Variants in EFCAB5 observed in about 807,000 individuals in gnomAD.
EFCAB5 encodes the protein EF-hand calcium-binding domain-containing protein 5.
EFCAB5 carries 131 observed loss-of-function variants against 167.9 expected under a neutral mutation model. That is an observed-to-expected ratio of 0.78 (90% CI 0.68 to 0.90). The LOEUF (loss-of-function observed/expected upper bound fraction) is 0.90. Ranked by LOEUF, EFCAB5 falls within the 40% of genes least tolerant of loss-of-function variation. The pLI is 0.00. For missense variants in EFCAB5, 1,663 were observed against 1,745.2 expected (o/e 0.95, Z 0.84); for synonymous variants, 574 against 602.8 (o/e 0.95, Z 0.70).
At chr17:30,030,272 A>AT (rs931600985) in intron 7 of EFCAB5, among the ~76,000 whole-genome samples, 65 of 150,926 alleles carry the variant, frequency 4.3e-4, no homozygotes, top group Admixed American at 5.3e-4. Flanking sequence ...GCTCCAGAAT[A>AT]TTTTTTTTTT....
intron 7 of EFCAB5, among the ~76,000 whole-genome samples, chr17:30,020,690 G>T (rs557741763): frequency 3.5e-4 from 53 of 152,070 alleles, no homozygotes; most frequent in Non-Finnish European, 6.2e-4. Context: ...GTAGTATGTA[G>T]TCTTGTTTAT....
chr17:29,987,066 G>T (rs1446222363), intron 4 of EFCAB5, among the ~76,000 whole-genome samples: 1 of 152,146 alleles, frequency 6.6e-6, no homozygotes, highest in African/African-American at 2.4e-5. Flanking sequence ...AAGTATAATT[G>T]TTCTCTGTGT....
At chr17:30,078,554 C>T (rs544350980) in intron 15 of EFCAB5, 50 bp downstream of exon 15, 86 of 1,479,288 alleles carry the variant, frequency 5.8e-5, no homozygotes, top group African/African-American at 3.0e-4. Context: ...TCAAAGTAGG[C>T]GATGTTCAAT....
At chr17:29,979,871 A>T (rs1306024370) in intron 4 of EFCAB5, among the ~76,000 whole-genome samples, 2 of 152,136 alleles carry the variant, frequency 1.3e-5, no homozygotes. Flanking sequence ...GAATTAATTA[A>T]TAACTTAAAC....
At chr17:29,932,829 C>CA (rs1459016864) in intron 1 of EFCAB5, among the ~76,000 whole-genome samples, 2 of 152,030 alleles carry the variant, frequency 1.3e-5, no homozygotes, top group East Asian at 3.9e-4. Flanking sequence ...AAGTGTGGAA[C>CA]ATTTTTGTTC....
At chr17:30,012,584 C>A (rs566666149) in intron 7 of EFCAB5, among the ~76,000 whole-genome samples, 2 of 152,266 alleles carry the variant, frequency 1.3e-5, no homozygotes, top group African/African-American at 4.8e-5. Context: ...CCTTATCCTG[C>A]CCCTTTGTCT....
At chr17:30,082,821 C>A in intron 17 of EFCAB5, 70 bp from the exon 18 acceptor site, 1 of 1,362,966 alleles carries the variant, frequency 7.3e-7, no homozygotes, top group South Asian at 1.5e-5. Context: ...AAAGGTAATC[C>A]AATTACTATA....
chr17:30,030,279 T>G (rs2069444864), intron 7 of EFCAB5, among the ~76,000 whole-genome samples: 2 of 152,222 alleles, frequency 1.3e-5, no homozygotes, highest in Non-Finnish European at 2.9e-5. Flanking sequence ...AATATTTTTT[T>G]TTTCCATCAG....
At chr17:30,014,133 T>C (rs1371531335) in intron 7 of EFCAB5, among the ~76,000 whole-genome samples, 1 of 152,242 alleles carries the variant, frequency 6.6e-6, no homozygotes, top group East Asian at 1.9e-4. Flanking sequence ...TTCTTAATCC[T>C]GAGTTCTCAT....
chr17:30,053,651 A>G lies in EFCAB5; in HGVS notation c.1697A>G (p.Gln566Arg). 5 of 1,613,964 alleles carry G rather than the reference A, an allele frequency of 3.1e-6. No homozygotes were observed. The highest frequency in any genetic ancestry group is 4.2e-6 in the Non-Finnish European group (5 of 1,179,852). The change falls in exon 10 of 23, where the codon CAA becomes CGA. Residue 566 changes from glutamine (Q) to arginine (R), a missense_variant. Physicochemically the swap from Gln to Arg is conservative, Grantham distance 43 (BLOSUM62 1). Coordinates refer to ENST00000394835, the MANE Select transcript of EFCAB5 (RefSeq NM_198529.4). The part of the protein sequence containing the change: ...QGSSRRLLTE[Q>R]ETHRESTTEQ... ...TCAAGTAGAAGGTTACTGACAGAAC[A>G]AGAAACACACAGAGAGTCAACTACA...
At chr17:30,059,523 T>C in intron 13 of EFCAB5, 22 bp from the exon 14 acceptor site, 1 of 1,585,162 alleles carries the variant, frequency 6.3e-7, no homozygotes, top group Non-Finnish European at 8.6e-7. Context: ...TTCCGTGCTT[T>C]ATTATCCTGT....
chr17:29,979,118 G>A (rs901285999), intron 4 of EFCAB5, among the ~76,000 whole-genome samples: 8 of 152,280 alleles, frequency 5.3e-5, no homozygotes, highest in East Asian at 1.9e-4. Flanking sequence ...TTGGGAGGCC[G>A]AGGTGGGTGG....
At chr17:30,088,940 T>TA (rs1433246366) in intron 19 of EFCAB5, among the ~76,000 whole-genome samples, 1 of 151,986 alleles carries the variant, frequency 6.6e-6, no homozygotes, top group Non-Finnish European at 1.5e-5. Flanking sequence ...TCTTTTTTTT[T>TA]ATGTATTTTT....
At chr17:30,026,799 C>A (rs898047864) in intron 7 of EFCAB5, among the ~76,000 whole-genome samples, 2 of 151,682 alleles carry the variant, frequency 1.3e-5, no homozygotes, top group African/African-American at 4.8e-5. Flanking sequence ...TGGTCTCAAA[C>A]TCCTGACCTC....
At chr17:30,077,240 T>G (rs190818690) in intron 14 of EFCAB5, among the ~76,000 whole-genome samples, 6 of 152,286 alleles carry the variant, frequency 3.9e-5, no homozygotes, top group Admixed American at 3.9e-4. Flanking sequence ...AGATGGAGGT[T>G]GCAGTAAGCC....
chr17:30,083,544 AC>A (rs1462900732), intron 18 of EFCAB5, among the ~76,000 whole-genome samples: 1 of 152,124 alleles, frequency 6.6e-6, no homozygotes, highest in Non-Finnish European at 1.5e-5. Flanking sequence ...AACCTCCGCC[AC>A]CCGGGCTCAA....
chr17:30,008,372 C>T (rs187702885), intron 7 of EFCAB5, among the ~76,000 whole-genome samples: 2 of 152,222 alleles, frequency 1.3e-5, no homozygotes, highest in East Asian at 1.9e-4. Flanking sequence ...GCAGGCAGAC[C>T]GTTGGAGGTC....
At chr17:29,961,883 A>G (rs1207276471) in intron 3 of EFCAB5, among the ~76,000 whole-genome samples, 1 of 152,184 alleles carries the variant, frequency 6.6e-6, no homozygotes, top group African/African-American at 2.4e-5. Flanking sequence ...TATAAGGTAA[A>G]GGACCAACTT....
At chr17:30,102,497 A>G (rs1338906357) in intron 22 of EFCAB5, among the ~76,000 whole-genome samples, 2 of 151,904 alleles carry the variant, frequency 1.3e-5, no homozygotes, top group African/African-American at 4.8e-5. Flanking sequence ...CAGCCTCCTG[A>G]GTAGCTGGGA....
Sources: allele counts gnomAD v4.1 joint callset (sites outside exome capture counted in the v4.1 genomes callset), GRCh38; gene constraint gnomAD v4.1.1; transcripts MANE v1.5; gene names NCBI Gene and HGNC (gene_info 2026-07-23, HGNC 2026-07-21).